The following COG1 variants were observed in gnomAD, a reference collection of about 807,000 sequenced individuals.
The protein encoded by COG1 is conserved oligomeric Golgi complex subunit 1.
A neutral mutation model predicts 102.2 loss-of-function variants in COG1; 61 were observed. The ratio of observed to expected loss-of-function variants is 0.60; its 90% CI spans 0.49 to 0.74. COG1 has a LOEUF of 0.74. COG1 is among the 30% of genes least tolerant of loss of function. COG1 has a pLI of 0.00. For missense variants in COG1, 1,164 were observed against 1,232.1 expected (o/e 0.94, Z 0.83); for synonymous variants, 454 against 493.6 (o/e 0.92, Z 1.06).
intron 6 of COG1, 152 bp from the exon 7 acceptor site, chr17:73,200,957 A>G: frequency 1.1e-6 from 1 of 903,390 alleles, no homozygotes; most frequent in East Asian, 2.6e-5. Context: ...GCCCATGTTC[A>G]TCAATAATGG....
chr17:73,193,367 C>T lies in COG1; in HGVS notation c.298C>T (p.Pro100Ser). 6.7e-7 allele frequency: 1 copy of T among 1,491,400 alleles called. No homozygotes were observed. The highest frequency in any genetic ancestry group is 8.9e-7 in the Non-Finnish European group (1 of 1,125,450). The allele number at this position is 1,491,400 out of a possible 1,614,324, so 92.4% of individuals were successfully genotyped here. A position where few individuals can be genotyped will look rare whatever the true frequency, so the allele number is the denominator to read the frequency against. ...LRQAGSAAPR[P>S]PRAQQPQQPS... is the part of the protein sequence containing the mutation. ...CCAGGCCGGCTCGGCCGCGCCCCGG[C>T]CACCGCGGGCCCAGCAGGTCAGTCC... Residue 100 changes from proline (P) to serine (S), a missense_variant, in exon 1 of 14, where the codon CCA (proline) becomes TCA (serine). Coordinates refer to ENST00000299886, the MANE Select transcript of COG1 (RefSeq NM_018714.3).
At position 73,205,537 on chromosome 17, in the gene COG1, G is replaced by A. The variant is rs1478115989; in HGVS notation, c.2383-16G>A. 10 of 1,613,792 alleles carry A rather than the reference G, an allele frequency of 6.2e-6. No homozygotes were observed. The highest frequency in any genetic ancestry group is 7.6e-6 in the Non-Finnish European group (9 of 1,179,874). On this transcript the variant is annotated splice_polypyrimidine_tract_variant and intron_variant, in intron 9 of 13. Transcript: ENST00000299886. ...TCCTCTCTCTTCATGGGTGGGGACT[G>A]GGAATTCATTTGCAGAAAGAAGGTG...
chr17:73,196,116 G>T (rs776601113), intron 1 of COG1, among the ~76,000 whole-genome samples: 22 of 152,188 alleles, frequency 1.4e-4, no homozygotes, highest in Non-Finnish European at 3.2e-4. Context: ...ATCCTCACGT[G>T]GGGGAAGGTA....
At chr17:73,207,832 C>T in intron 13 of COG1, 7 of 1,276,018 alleles carry the variant, frequency 5.5e-6, no homozygotes, top group Non-Finnish European at 7.1e-6. Flanking sequence ...TTGTTAGACA[C>T]AATATTAGCA....
At chr17:73,207,323 C>G in intron 13 of COG1, 67 bp downstream of exon 13, 1 of 1,385,650 alleles carries the variant, frequency 7.2e-7, no homozygotes, top group Non-Finnish European at 1.0e-6. Context: ...CACCCATGAT[C>G]AGCTCCCTTT....
chr17:73,205,442 A>G, intron 9 of COG1, 111 bp from the exon 10 acceptor site: 1 of 1,157,114 alleles, frequency 8.6e-7, no homozygotes, highest in Non-Finnish European at 1.3e-6. Context: ...CATTAAAACC[A>G]TCTGCTTCTG....
At chr17:73,193,413 C>T in intron 1 of COG1, 29 bp downstream of exon 1, 1 of 1,392,376 alleles carries the variant, frequency 7.2e-7, no homozygotes, top group South Asian at 1.6e-5. Context: ...ACCCTGCGAC[C>T]CGCAGGCGGG....
chr17:73,193,202 A>C lies in COG1; in HGVS notation c.133A>C (p.Lys45Gln), dbSNP rs2061309354. 6 of 1,608,870 alleles carry C rather than the reference A, an allele frequency of 3.7e-6. No homozygotes were observed. Among genetic ancestry groups the C allele is most frequent in the Non-Finnish European group, 5.1e-6 (6 of 1,178,158 alleles). ...RQVRAEIEHK[K>Q]EELRQMVGER... ...GGTTCGGGCCGAGATCGAGCACAAG[A>C]AGGAGGAGCTGCGGCAGATGGTGGG... The change falls in exon 1 of 14, where the codon AAG becomes CAG. Residue 45 changes from lysine to glutamine, a missense_variant. Physicochemically the swap from Lys to Gln is moderately conservative, Grantham distance 53 (BLOSUM62 1). Transcript: ENST00000299886.
At position 73,196,705 on chromosome 17, in the gene COG1, C is replaced by G; in HGVS notation, c.514C>G (p.Arg172Gly). The G allele has an allele frequency of 1.2e-6, 2 of 1,614,126 alleles. No individual in the cohort carries two copies. Among genetic ancestry groups the G allele is most frequent in the Non-Finnish European group, 8.5e-7 (1 of 1,180,030 alleles). Residue 172 changes from arginine to glycine, a missense_variant, in exon 2 of 14, where the codon CGG (arginine) becomes GGG (glycine). Arg to Gly is a moderately radical substitution (Grantham distance 125). Coordinates refer to ENST00000299886, the MANE Select transcript of COG1 (RefSeq NM_018714.3). ...SSSRYSPVLS[R>G]FPILIRQVAA... ...TTCCCGATACAGTCCCGTCCTCTCC[C>G]GGTTTCCTATACTCATCCGGCAGGT...
intron 9 of COG1, among the ~76,000 whole-genome samples, chr17:73,204,714 G>A (rs980994101): frequency 1.3e-5 from 2 of 152,048 alleles, no homozygotes; most frequent in African/African-American, 4.8e-5. Context: ...GCATGCGCCA[G>A]CACACCTAAT....
At chr17:73,207,009 C>T (rs1280667325) in intron 12 of COG1, 172 bp from the exon 13 acceptor site, 4 of 703,048 alleles carry the variant, frequency 5.7e-6, no homozygotes, top group African/African-American at 5.6e-5. Context: ...AGGAGAATGG[C>T]GTGAACCCAG....
chr17:73,201,021 A>G, intron 6 of COG1, 88 bp from the exon 7 acceptor site: 2 of 1,258,848 alleles, frequency 1.6e-6, no homozygotes. Flanking sequence ...AACCTTCTGA[A>G]TGCTAGGATA....
intron 13 of COG1, chr17:73,207,523 ATTTAGTAGGGTGAAAGAGT>A (rs1308971831): frequency 5.0e-6 from 3 of 599,566 alleles, no homozygotes; most frequent in Non-Finnish European, 8.7e-6. Flanking sequence ...GAGCTCTTGA[ATTTAGTAGGGTGAAAGAGT>A]TAACTGCCAA....
rs924812252 is a variant in COG1, at chr17:73,195,308, G to A, written c.316-1199G>A. 5.3e-5 allele frequency among the ~76,000 whole-genome samples: 8 copies of A among 152,140 alleles called. No individual in the cohort carries two copies. The South Asian group carries it at 6.2e-4, about 12-fold the overall frequency. On this transcript the variant is annotated intron_variant, in intron 1 of 13. Coordinates refer to ENST00000299886, the MANE Select transcript of COG1 (RefSeq NM_018714.3). ...GGAAATAAATCCATGGAAACTTGAC[G>A]AGAAAAAAATGTAAAAAAATTTAGA...
At chr17:73,202,293 C>G (rs938793273) in intron 7 of COG1, among the ~76,000 whole-genome samples, 1 of 152,040 alleles carries the variant, frequency 6.6e-6, no homozygotes, top group Non-Finnish European at 1.5e-5. Context: ...GAGCCGAGAT[C>G]GCACCACTGC....
chr17:73,205,125 T>C, intron 9 of COG1: 1 of 261,492 alleles, frequency 3.8e-6, no homozygotes, highest in Non-Finnish European at 7.5e-6. Context: ...ATTGTGTCAC[T>C]GCACTCCAGC....
intron 13 of COG1, chr17:73,207,936 A>T: frequency 7.1e-6 from 5 of 708,788 alleles, no homozygotes; most frequent in African/African-American, 3.8e-5. Context: ...TGGTAGTTTA[A>T]AAAAAAAAAA....
chr17:73,205,424 CAT>C, intron 9 of COG1, 127 bp from the exon 10 acceptor site: 1 of 937,690 alleles, frequency 1.1e-6, no homozygotes, highest in Non-Finnish European at 1.7e-6. Flanking sequence ...TTAAACTGGC[CAT>C]ATGAGCATTA....
chr17:73,206,508 A>G (rs550853388), intron 11 of COG1, among the ~76,000 whole-genome samples, 200 bp from the exon 12 acceptor site: 1 of 152,160 alleles, frequency 6.6e-6, no homozygotes, highest in East Asian at 1.9e-4. Context: ...CCTCAGAAAG[A>G]GGAATAAAAA....
Sources: gnomAD v4.1 joint callset for allele counts (sites outside exome capture counted in the v4.1 genomes callset) on GRCh38, gnomAD v4.1.1 for gene constraint, MANE v1.5 for transcripts, NCBI Gene and HGNC (gene_info 2026-07-23, HGNC 2026-07-21) for gene names.